Variants in GNL3L observed in about 807,000 individuals in gnomAD.
GNL3L encodes G protein nucleolar 3 like, also known as guanine nucleotide-binding protein-like 3-like protein.
A neutral mutation model predicts 42.9 loss-of-function variants in GNL3L; 4 were observed. The observed-to-expected ratio is 0.09, with a 90% CI of 0.05 to 0.21. The LOEUF is 0.21. Among genes scored for constraint, GNL3L ranks in the 10% least tolerant of loss-of-function variants. The probability of loss-of-function intolerance (pLI) is 1.00; values close to 1 mark genes in which losing one functional copy is unlikely to be tolerated. For synonymous variants in GNL3L, 159 were observed against 176.3 expected (o/e 0.90, Z 0.78); for missense variants, 412 against 481.7 (o/e 0.86, Z 1.36).
At chrX:54,624,216 C>A (rs993978417), downstream of GNL3L, among the ~76,000 whole-genome samples, 4 of 111,020 alleles carry the variant, frequency 3.6e-5, no homozygotes, top group Admixed American at 3.8e-4. Flanking sequence ...TGGGTGCAGG[C>A]ATAAGCCACT....
chrX:54,607,060 C>CTTTCTTTCTT (rs1926088450), intron 16 of GNL3L, among the ~76,000 whole-genome samples: 7 of 37,550 alleles, frequency 1.9e-4, no homozygotes, highest in African/African-American at 8.5e-4. Context: ...TTCTTTCTTT[C>CTTTCTTTCTT]TTTCTTTCTT....
chrX:54,630,778 T>G, the GNL3L span, among the ~76,000 whole-genome samples: 1 of 99,072 alleles, frequency 1.0e-5, no homozygotes, highest in Non-Finnish European at 2.0e-5. Flanking sequence ...TTCTTTCTCT[T>G]TCTTTCTTTC....
chrX:54,633,500 G>A, the GNL3L span, among the ~76,000 whole-genome samples: 3 of 111,370 alleles, frequency 2.7e-5, no homozygotes, highest in East Asian at 8.5e-4. Context: ...AGCCACCAGG[G>A]CTTGTAGAGA....
At chrX:54,597,233 T>G (rs182587390) in intron 16 of GNL3L, among the ~76,000 whole-genome samples, 1 of 111,320 alleles carries the variant, frequency 9.0e-6, no homozygotes, top group East Asian at 2.9e-4. Context: ...ATTCAGGGCC[T>G]GAGGGCTCTT....
intron 16 of GNL3L, among the ~76,000 whole-genome samples, chrX:54,593,980 A>G (rs1428013034): frequency 1.8e-5 from 2 of 111,829 alleles, no homozygotes; most frequent in African/African-American, 3.2e-5. Flanking sequence ...TATTATTTCA[A>G]CTTTTTGAAT....
At chrX:54,578,661 ACTAGAGTT>A in intron 16 of GNL3L, among the ~76,000 whole-genome samples, 1 of 112,553 alleles carries the variant, frequency 8.9e-6, no homozygotes, top group Non-Finnish European at 1.9e-5. Context: ...GTATGGCTAT[ACTAGAGTT>A]CATTAGTCAA....
intron 16 of GNL3L, among the ~76,000 whole-genome samples, chrX:54,606,097 C>T (rs375824744): frequency 1.8e-5 from 2 of 111,634 alleles, no homozygotes; most frequent in South Asian, 3.8e-4. Flanking sequence ...GCAGGATAAC[C>T]TGAATGACCT....
intron 8 of GNL3L, among the ~76,000 whole-genome samples, chrX:54,545,054 T>A (rs1376200289): frequency 1.8e-5 from 2 of 111,347 alleles, no homozygotes; most frequent in Non-Finnish European, 1.9e-5. Flanking sequence ...TAGCTGGGAC[T>A]ACAGGCATGT....
In GNL3L at chrX:54,542,947, T is replaced by A. The variant is rs1924670628; in HGVS notation, c.307-8T>A. On this transcript the variant is annotated splice_region_variant and splice_polypyrimidine_tract_variant and intron_variant, in intron 5 of 15. Transcript: ENST00000360845. ...CCCTGGACCATTCTCTTTTTTTTTC[T>A]CCTTTAGGAGGAAGTTTTGCAGGAA... is the stretch of plus-strand genomic sequence containing the variant. 1 of 1,127,159 alleles carries A rather than the reference T, an allele frequency of 8.9e-7. No individual in the cohort carries two copies. Among genetic ancestry groups the A allele is most frequent in the African/African-American group, 1.8e-5 (1 of 55,437 alleles). 92.9% of individuals were successfully genotyped at this position (1,127,159 alleles called of 1,213,427 possible). A position where few individuals can be genotyped will look rare whatever the true frequency, so the allele number is the denominator to read the frequency against.
rs766645013 is a variant in GNL3L at position 54,565,824 on chromosome X, G to GTTTTTTTT, written c.*5236_*5243dup. Among the ~76,000 whole-genome samples the GTTTTTTTT allele has an allele frequency of 2.9e-5, 2 of 67,888 alleles. No individual in the cohort carries two copies. Among genetic ancestry groups the GTTTTTTTT allele is most frequent in the African/African-American group, 7.4e-5 (1 of 13,441 alleles). 59.0% of individuals were successfully genotyped at this position (67,888 alleles called of 115,157 possible). ...AGGATTATATGCTGGATACAGGGGTGTTTTTTTTTTTTTTTTTTTTTGAAA... is the reference window on the plus strand; with the variant it reads ...AGGATTATATGCTGGATACAGGGGTGTTTTTTTTTTTTTTTTTTTTTTTTTTTTTGAAA... On this transcript the variant is annotated 3_prime_UTR_variant, in exon 16 of 16. Transcript: ENST00000360845.
At chrX:54,588,000 C>T (rs1024763321) in intron 16 of GNL3L, among the ~76,000 whole-genome samples, 7 of 111,810 alleles carry the variant, frequency 6.3e-5, no homozygotes, top group Non-Finnish European at 1.1e-4. Flanking sequence ...TTTTAATTTC[C>T]GTTTCCACAT....
At chrX:54,569,432 A>C (rs1925513471), downstream of GNL3L, among the ~76,000 whole-genome samples, 1 of 112,317 alleles carries the variant, frequency 8.9e-6, no homozygotes, top group Non-Finnish European at 1.9e-5. Flanking sequence ...ATTTTAAAGA[A>C]AGTTCTTCAT....
intron 8 of GNL3L, among the ~76,000 whole-genome samples, chrX:54,546,155 T>G (rs920942971): frequency 8.9e-6 from 1 of 112,656 alleles, no homozygotes; most frequent in Non-Finnish European, 1.9e-5. Flanking sequence ...GCCACTGCAC[T>G]CGGCCTTCTT....
At chrX:54,532,731 G>C in intron 2 of GNL3L, 146 bp downstream of exon 2, 1 of 546,744 alleles carries the variant, frequency 1.8e-6, no homozygotes, top group Non-Finnish European at 3.2e-6. Flanking sequence ...TGCAATCTCA[G>C]TTCACTGCAA....
the GNL3L span, among the ~76,000 whole-genome samples, chrX:54,630,723 TCTTTCTTTCTTTCTTTCTCTTTCTTTCC>T: frequency 1.2e-5 from 1 of 84,046 alleles, no homozygotes; most frequent in African/African-American, 6.7e-5. Flanking sequence ...TTTCTTTCTT[TCTTTCTTTCTTTCTTTCTCTTTCTTTCC>T]CTTTCTTTCC....
At chrX:54,545,293 A>C (rs1924740204) in intron 8 of GNL3L, among the ~76,000 whole-genome samples, 1 of 111,420 alleles carries the variant, frequency 9.0e-6, no homozygotes, top group Non-Finnish European at 1.9e-5. Flanking sequence ...ATCTCGGCTC[A>C]CTGCAATCTC....
At chrX:54,591,072 C>G (rs1288543763) in intron 16 of GNL3L, among the ~76,000 whole-genome samples, 1 of 110,773 alleles carries the variant, frequency 9.0e-6, no homozygotes, top group African/African-American at 3.3e-5. Context: ...CTCAGGTAAT[C>G]CACCTGCCTC....
intron 16 of GNL3L, among the ~76,000 whole-genome samples, chrX:54,607,082 C>CTCT (rs1926097984): frequency 6.4e-4 from 14 of 21,987 alleles, no homozygotes; most frequent in East Asian, 4.6e-3. Flanking sequence ...CTCTTTCTTT[C>CTCT]TTCTTTCTTT....
intron 13 of GNL3L, among the ~76,000 whole-genome samples, chrX:54,553,677 C>G (rs1356691325): frequency 9.0e-6 from 1 of 111,144 alleles, no homozygotes; most frequent in Non-Finnish European, 1.9e-5. Flanking sequence ...GTAGCTGGGA[C>G]TATAGGTGTG....
Sources: gnomAD v4.1 joint callset for allele counts (sites outside exome capture counted in the v4.1 genomes callset) on GRCh38, gnomAD v4.1.1 for gene constraint, MANE v1.5 for transcripts, NCBI Gene and HGNC (gene_info 2026-07-23, HGNC 2026-07-21) for gene names.